The following ABHD3 variants were observed in gnomAD, a reference collection of about 807,000 sequenced individuals.
ABHD3 encodes abhydrolase domain containing 3, phospholipase, also known as phospholipase ABHD3.
ABHD3 carries 46 observed loss-of-function variants against 48.8 expected under a neutral mutation model. The ratio of observed to expected loss-of-function variants is 0.94; its 90% confidence interval spans 0.74 to 1.20. ABHD3 has a LOEUF of 1.20. Ranked by LOEUF, ABHD3 falls within the 50% of genes most tolerant of loss-of-function variation. The pLI is 0.00. For synonymous variants in ABHD3, 192 were observed against 183.7 expected (o/e 1.04, Z -0.36); for missense variants, 490 against 497.8 (o/e 0.98, Z 0.15).
intron 4 of ABHD3, chr18:21,683,649 A>T: frequency 3.4e-6 from 1 of 296,750 alleles, no homozygotes; most frequent in Non-Finnish European, 7.0e-6. Context: ...TAGTTACAAA[A>T]TAGAATCTTA....
At position 21,667,059 on chromosome 18, in the gene ABHD3, G is replaced by C. The variant is rs180741094; in HGVS notation, c.556-2829C>G. On this transcript the variant is annotated intron_variant, in intron 4 of 8. Transcript: ENST00000289119. ...TCACCCACTGTTCAATCACTAATGA[G>C]TAGCCTGAGAAAATTACATTTTTTT... is the stretch of plus-strand genomic sequence containing the variant. 2.4e-4 allele frequency among the ~76,000 whole-genome samples: 36 copies of C among 150,996 alleles called. 1 individual carries two copies. The East Asian group carries it at 7.0e-3, about 29-fold the overall frequency.
chr18:21,682,542 G>A (rs1157085195), intron 4 of ABHD3: 1 of 152,158 alleles, frequency 6.6e-6, no homozygotes, highest in Non-Finnish European at 1.5e-5. Context: ...CACAACTAAA[G>A]TTTGAGCTCC....
At chr18:21,670,651 C>T (rs934862155) in intron 4 of ABHD3, among the ~76,000 whole-genome samples, 1 of 152,176 alleles carries the variant, frequency 6.6e-6, no homozygotes, top group Admixed American at 6.5e-5. Context: ...ATATCCTTGC[C>T]ACCTGTGACC....
chr18:21,703,849 C>T lies in ABHD3; in HGVS notation c.163-102G>A, dbSNP rs1049943678. 7 of 1,316,802 alleles carry T rather than the reference C, an allele frequency of 5.3e-6. No homozygotes were observed. The African/African-American group carries it at 7.3e-5, about 14-fold the overall frequency. The allele number at this position is 1,316,802 out of a possible 1,614,324, so 81.6% of individuals were successfully genotyped here. A position where few individuals can be genotyped will look rare whatever the true frequency, so the allele number is the denominator to read the frequency against. On this transcript the variant is annotated intron_variant, in intron 1 of 8. Transcript: ENST00000289119. ...TTGTCGCTCGCGCGCGCGCTTCCTC[C>T]GATTACAACTCTTTCTGGAGGGCTG...
rs370949749 is a variant in ABHD3, at chr18:21,656,938, G to A, written c.980C>T (p.Pro327Leu). 193 of 1,613,688 alleles carry A rather than the reference G, an allele frequency of 1.2e-4. No individual in the cohort carries two copies. The highest frequency in any genetic ancestry group is 1.5e-4 in the Non-Finnish European group (175 of 1,179,828). ...TIDDYYTDAS[P>L]SPRLKSVGIP... ...TCCTACTGACTTCAGTCTAGGACTC[G>A]GACTGGCATCAGTATAATAATCATC... The change falls in exon 8 of 9, where the codon CCG becomes CTG. Residue 327 changes from proline (P) to leucine (L), a missense_variant. By Grantham distance (98) the Pro-to-Leu change is moderately conservative. Coordinates refer to ENST00000289119, the MANE Select transcript of ABHD3 (RefSeq NM_138340.5).
chr18:21,661,050 C>G (rs1005119308), intron 5 of ABHD3, among the ~76,000 whole-genome samples: 5 of 130,100 alleles, frequency 3.8e-5, no homozygotes, highest in Admixed American at 9.0e-5. Context: ...GACTGTTTTA[C>G]TTCTATAGGA....
intron 4 of ABHD3, among the ~76,000 whole-genome samples, chr18:21,676,108 T>C (rs1352712632): frequency 6.6e-6 from 1 of 152,218 alleles, no homozygotes; most frequent in South Asian, 2.1e-4. Context: ...CCTAATACCA[T>C]CACCTTGATG....
chr18:21,661,283 G>A (rs921539785), intron 5 of ABHD3, among the ~76,000 whole-genome samples: 1 of 152,076 alleles, frequency 6.6e-6, no homozygotes, highest in Non-Finnish European at 1.5e-5. Flanking sequence ...TGAAATTAGT[G>A]TTAATTTTAT....
At chr18:21,696,364 T>C (rs557848541) in intron 3 of ABHD3, among the ~76,000 whole-genome samples, 1 of 152,228 alleles carries the variant, frequency 6.6e-6, no homozygotes, top group Non-Finnish European at 1.5e-5. Flanking sequence ...TTAGCTAGGA[T>C]GGTCTCACTC....
rs11878166 is a variant in ABHD3 at position 21,657,171 on chromosome 18, G to A, written c.843-19C>T. Reference sequence around the variant, plus strand: ...TCGGTGCCTGGAACAAAAGAATTTCGGAAGTAAAAATCAAGATCATTCCTA... The same window carrying A: ...TCGGTGCCTGGAACAAAAGAATTTCAGAAGTAAAAATCAAGATCATTCCTA... On this transcript the variant is annotated intron_variant, in intron 6 of 8. Coordinates refer to ENST00000289119, the MANE Select transcript of ABHD3 (RefSeq NM_138340.5). 3,281 of 1,587,692 alleles carry A rather than the reference G, an allele frequency of 2.1e-3. 75 individuals carry two copies. In the African/African-American group the frequency reaches 0.039, roughly 19 times the overall value.
intron 4 of ABHD3, among the ~76,000 whole-genome samples, chr18:21,675,458 A>G (rs1011276353): frequency 2.0e-5 from 3 of 151,716 alleles, no homozygotes; most frequent in Non-Finnish European, 4.4e-5. Context: ...TAGTAGAGAC[A>G]GGGTTTCACT....
intron 3 of ABHD3, among the ~76,000 whole-genome samples, chr18:21,690,122 TAAAA>T (rs944639381): frequency 6.9e-5 from 10 of 144,976 alleles, no homozygotes; most frequent in African/African-American, 2.5e-4. Flanking sequence ...GTAAAGAATT[TAAAA>T]AAAAAAAAGA....
intron 3 of ABHD3, 28 bp from the exon 4 acceptor site, chr18:21,683,993 A>G: frequency 6.3e-7 from 1 of 1,577,026 alleles, no homozygotes; most frequent in Non-Finnish European, 8.6e-7. Flanking sequence ...AATTTTTGTT[A>G]TTTTTACACA....
Position 21,651,275 on chromosome 18 carries a change from C to T in ABHD3, c.*316G>A, listed in dbSNP as rs2039215344. 1 of 179,944 alleles carries T rather than the reference C, an allele frequency of 5.6e-6. No homozygotes were observed. The allele number at this position is 179,944 out of a possible 1,614,324, so 11.1% of individuals were successfully genotyped here. ...AAAAAAATACTAGTTTAAATTAAAACCCTGAGGAATTAAAATTTGTTTTAC... is the reference window on the plus strand; with the variant it reads ...AAAAAAATACTAGTTTAAATTAAAATCCTGAGGAATTAAAATTTGTTTTAC... On this transcript the variant is annotated 3_prime_UTR_variant, in exon 9 of 9. Coordinates refer to ENST00000289119, the MANE Select transcript of ABHD3 (RefSeq NM_138340.5).
intron 3 of ABHD3, among the ~76,000 whole-genome samples, chr18:21,687,935 C>CCAGGCA (rs900065219): frequency 1.3e-5 from 2 of 152,186 alleles, no homozygotes; most frequent in African/African-American, 4.8e-5. Context: ...AGCACATGCC[C>CCAGGCA]CAGGCATAAC....
chr18:21,664,265 A>G, intron 4 of ABHD3, 35 bp from the exon 5 acceptor site: 1 of 1,587,774 alleles, frequency 6.3e-7, no homozygotes. Flanking sequence ...CAAAAATTAC[A>G]ATGTGAGGTT....
chr18:21,676,356 T>C (rs910885781), intron 4 of ABHD3, among the ~76,000 whole-genome samples: 1 of 152,256 alleles, frequency 6.6e-6, no homozygotes, highest in African/African-American at 2.4e-5. Context: ...AACATCATGT[T>C]GTATACAATA....
At chr18:21,701,248 C>G (rs1481765028) in intron 3 of ABHD3, 1 of 148,956 alleles carries the variant, frequency 6.7e-6, no homozygotes, top group Non-Finnish European at 1.5e-5. Context: ...AGGTGTCACT[C>G]TGTCATCCAG....
chr18:21,682,637 G>A (rs1238713038), intron 4 of ABHD3: 2 of 152,160 alleles, frequency 1.3e-5, no homozygotes, highest in African/African-American at 4.8e-5. Flanking sequence ...CACATACCAC[G>A]GCTCTGCTGA....
Sources: gnomAD v4.1 joint callset for allele counts (sites outside exome capture counted in the v4.1 genomes callset) on GRCh38, gnomAD v4.1.1 for gene constraint, MANE v1.5 for transcripts, NCBI Gene and HGNC (gene_info 2026-07-23, HGNC 2026-07-21) for gene names.